Variants in ISM1 observed in about 807,000 individuals in gnomAD.
The protein encoded by ISM1 is isthmin 1, also known as isthmin-1.
A neutral mutation model predicts 46.3 loss-of-function variants in ISM1; 25 were observed. That is an observed-to-expected ratio of 0.54 (90% CI 0.39 to 0.75). The LOEUF (loss-of-function observed/expected upper bound fraction) is 0.75. ISM1 is among the 30% of genes least tolerant of loss of function. The pLI is 0.00. For missense variants in ISM1, 536 were observed against 625.4 expected (o/e 0.86, Z 1.52); for synonymous variants, 255 against 256.7 (o/e 0.99, Z 0.06).
At chr20:13,231,892 G>A (rs115485829) in intron 1 of ISM1, among the ~76,000 whole-genome samples, 2 of 152,316 alleles carry the variant, frequency 1.3e-5, no homozygotes, top group African/African-American at 2.4e-5. Context: ...CTTTGAATGC[G>A]ATGGGCCATT....
At chr20:13,306,707 A>T in the ISM1 span, among the ~76,000 whole-genome samples, 1 of 152,078 alleles carries the variant, frequency 6.6e-6, no homozygotes, top group Non-Finnish European at 1.5e-5. Context: ...GACAAGAGAG[A>T]CTCATACCAC....
chr20:13,237,058 G>A lies in ISM1; in HGVS notation c.138+15144G>A, dbSNP rs377004561. ...AGTAGGGACTCTGTGTGGGGGCTCC[G>A]GTCCCACATTTCCCTTCTGCACTGC... On this transcript the variant is annotated intron_variant, in intron 1 of 5. Coordinates refer to ENST00000262487, the MANE Select transcript of ISM1 (RefSeq NM_080826.2). 1.1e-4 allele frequency among the ~76,000 whole-genome samples: 17 copies of A among 152,278 alleles called. No homozygotes were observed. In the East Asian group the frequency reaches 2.5e-3, roughly 23 times the overall value.
intron 1 of ISM1, among the ~76,000 whole-genome samples, chr20:13,256,534 T>C (rs1250791443): frequency 2.0e-5 from 3 of 152,042 alleles, no homozygotes; most frequent in African/African-American, 7.2e-5. Context: ...TGTATTTTAA[T>C]AGGGGATCAT....
chr20:13,292,321 G>A, intron 4 of ISM1, 53 bp from the exon 5 acceptor site: 2 of 1,068,320 alleles, frequency 1.9e-6, no homozygotes, highest in East Asian at 2.5e-5. Flanking sequence ...TGGGGTGGGG[G>A]AGATAACTTT....
chr20:13,289,568 T>C (rs2040330617), intron 4 of ISM1, among the ~76,000 whole-genome samples: 1 of 152,120 alleles, frequency 6.6e-6, no homozygotes, highest in South Asian at 2.1e-4. Context: ...AGACCTGTTT[T>C]TGTGTGTCCC....
At chr20:13,305,426 G>A (rs1279195482), downstream of ISM1, among the ~76,000 whole-genome samples, 1 of 152,086 alleles carries the variant, frequency 6.6e-6, no homozygotes, top group African/African-American at 2.4e-5. Flanking sequence ...ATTCCATCCC[G>A]ACACACAAAG....
At chr20:13,295,562 A>T (rs2040399190) in intron 5 of ISM1, among the ~76,000 whole-genome samples, 2 of 152,156 alleles carry the variant, frequency 1.3e-5, no homozygotes, top group Non-Finnish European at 2.9e-5. Flanking sequence ...GTCTGTGTCC[A>T]TTAGACACCT....
At chr20:13,311,299 G>A in the ISM1 span, among the ~76,000 whole-genome samples, 1 of 144,044 alleles carries the variant, frequency 6.9e-6, no homozygotes, top group Non-Finnish European at 1.5e-5. Flanking sequence ...ATATTTGTAA[G>A]AATGTGGAAA....
intron 1 of ISM1, among the ~76,000 whole-genome samples, chr20:13,246,989 A>T (rs2039801737): frequency 6.6e-6 from 1 of 151,984 alleles, no homozygotes; most frequent in Non-Finnish European, 1.5e-5. Context: ...TAATCCCAGC[A>T]CTTTGGGAGG....
chr20:13,252,114 T>C (rs1421965096), intron 1 of ISM1, among the ~76,000 whole-genome samples: 2 of 152,222 alleles, frequency 1.3e-5, no homozygotes, highest in Non-Finnish European at 2.9e-5. Flanking sequence ...CAGTTGGCCC[T>C]GTCTACGGAG....
chr20:13,289,167 G>T lies in ISM1; in HGVS notation c.787+484G>T, dbSNP rs114898528. 5.5e-3 allele frequency among the ~76,000 whole-genome samples: 836 copies of T among 152,328 alleles called. 6 individuals are homozygous for T. The highest frequency in any genetic ancestry group is 0.019 in the African/African-American group (799 of 41,582). On this transcript the variant is annotated intron_variant, in intron 4 of 5. Transcript: ENST00000262487. ...GATTTTCTGAGTCTTATGCACAATT[G>T]CAGTGGCCGTGACCTAAAAGACAAT...
intron 1 of ISM1, among the ~76,000 whole-genome samples, chr20:13,236,591 T>A (rs1452184874): frequency 1.3e-5 from 2 of 152,140 alleles, no homozygotes; most frequent in Non-Finnish European, 1.5e-5. Flanking sequence ...CAAAGTCTCA[T>A]CTGAGACAAG....
the ISM1 span, among the ~76,000 whole-genome samples, chr20:13,325,135 G>C: frequency 6.6e-6 from 1 of 152,216 alleles, no homozygotes; most frequent in African/African-American, 2.4e-5. Context: ...GACCACCAGA[G>C]GGTGCCCACA....
chr20:13,264,949 G>A (rs2040026661), intron 1 of ISM1, among the ~76,000 whole-genome samples: 1 of 152,184 alleles, frequency 6.6e-6, no homozygotes, highest in East Asian at 1.9e-4. Flanking sequence ...TGCCCCAGAG[G>A]ATGCTACCAG....
rs936000140 is a variant in ISM1, at chr20:13,279,834, C to T, written c.579C>T (p.Pro193=). Residue 193 remains proline, a synonymous_variant, in exon 3 of 6, where the codon CCC becomes CCT. Coordinates refer to ENST00000262487, the MANE Select transcript of ISM1 (RefSeq NM_080826.2). ...ACGACAGCAACTTCCTCAACCCCCC[C>T]AGGGGGTGGGACCATACAGCCCCAG... ...TSDDSNFLNP[P]RGWDHTAPGH... 6.2e-7 allele frequency: 1 copy of T among 1,613,888 alleles called. No individual in the cohort carries two copies.
intron 1 of ISM1, among the ~76,000 whole-genome samples, chr20:13,262,047 G>A (rs546630823): frequency 1.3e-5 from 2 of 152,330 alleles, no homozygotes; most frequent in East Asian, 3.9e-4. Flanking sequence ...CCTTTTAGGT[G>A]CACTAATGAT....
At chr20:13,319,540 G>A in the ISM1 span, among the ~76,000 whole-genome samples, 1 of 152,128 alleles carries the variant, frequency 6.6e-6, no homozygotes, top group African/African-American at 2.4e-5. Flanking sequence ...AGAAAAGAGA[G>A]AATGAAAGGA....
chr20:13,266,843 G>T (rs1460584033), intron 1 of ISM1, among the ~76,000 whole-genome samples: 1 of 152,134 alleles, frequency 6.6e-6, no homozygotes, highest in Non-Finnish European at 1.5e-5. Flanking sequence ...TACTCTGCTG[G>T]AATAATTCAC....
chr20:13,304,298 C>T (rs763857843), downstream of ISM1, among the ~76,000 whole-genome samples: 1 of 152,154 alleles, frequency 6.6e-6, no homozygotes, highest in Non-Finnish European at 1.5e-5. Context: ...CTACCCAATC[C>T]ACAAGACAGG....
Sources: gnomAD v4.1 joint callset for allele counts (sites outside exome capture counted in the v4.1 genomes callset) on GRCh38, gnomAD v4.1.1 for gene constraint, MANE v1.5 for transcripts, NCBI Gene and HGNC (gene_info 2026-07-23, HGNC 2026-07-21) for gene names.